MAD1L1: variants seen among roughly 807,000 people sequenced by gnomAD.
MAD1L1 encodes mitotic arrest deficient 1 like 1, also known as mitotic spindle assembly checkpoint protein MAD1.
Under a neutral mutation model 96.9 loss-of-function variants are expected in MAD1L1, and 95 were observed. The ratio of observed to expected loss-of-function variants is 0.98; its 90% CI spans 0.83 to 1.16. The LOEUF (loss-of-function observed/expected upper bound fraction) is 1.16. Ranked by LOEUF, MAD1L1 falls within the 50% of genes most tolerant of loss-of-function variation. The probability of loss-of-function intolerance (pLI) is 0.00; values close to 1 mark genes in which losing one functional copy is unlikely to be tolerated. For synonymous variants in MAD1L1, 473 were observed against 396.6 expected (o/e 1.19, Z -2.29); for missense variants, 1,007 against 954.4 (o/e 1.06, Z -0.73).
chr7:2,137,164 A>G (rs537606625), intron 11 of MAD1L1, among the ~76,000 whole-genome samples: 14 of 152,336 alleles, frequency 9.2e-5, no homozygotes, highest in Admixed American at 6.5e-4. Flanking sequence ...TCAGGGCACC[A>G]AAATACTTAG....
At chr7:2,043,615 T>C (rs1783789760) in intron 12 of MAD1L1, among the ~76,000 whole-genome samples, 1 of 152,198 alleles carries the variant, frequency 6.6e-6, no homozygotes, top group African/African-American at 2.4e-5. Context: ...ACGGGTGCCC[T>C]GCAGAGTGGA....
At chr7:2,098,910 G>C (rs1786638014) in intron 11 of MAD1L1, among the ~76,000 whole-genome samples, 1 of 152,226 alleles carries the variant, frequency 6.6e-6, no homozygotes, top group Non-Finnish European at 1.5e-5. Context: ...ACTCGAACTG[G>C]ACCTCAAAGG....
intron 17 of MAD1L1, among the ~76,000 whole-genome samples, chr7:1,900,940 G>A (rs1393403496): frequency 3.3e-5 from 5 of 152,136 alleles, no homozygotes; most frequent in Admixed American, 6.5e-5. Context: ...CCCTCTCAGA[G>A]GCGAGACCAC....
At chr7:2,191,668 C>T (rs1330469878) in intron 10 of MAD1L1, among the ~76,000 whole-genome samples, 5 of 152,018 alleles carry the variant, frequency 3.3e-5, no homozygotes, top group Admixed American at 3.3e-4. Flanking sequence ...GAGGCAGAGA[C>T]TGCAGTAAGC....
At chr7:1,843,225 T>C (rs576088613) in intron 18 of MAD1L1, among the ~76,000 whole-genome samples, 1 of 152,350 alleles carries the variant, frequency 6.6e-6, no homozygotes, top group East Asian at 1.9e-4. Context: ...CCCTGCAGAA[T>C]GATGCTCTTT....
chr7:2,151,340 G>A (rs1161998409), intron 10 of MAD1L1, among the ~76,000 whole-genome samples: 1 of 152,206 alleles, frequency 6.6e-6, no homozygotes, highest in Non-Finnish European at 1.5e-5. Flanking sequence ...GTGGTCACAG[G>A]CGGCAGGCTA....
intron 18 of MAD1L1, among the ~76,000 whole-genome samples, chr7:1,887,855 G>GTGCAAGCATGCGTGTATGTGGCTGCC (rs1562491890): frequency 7.0e-4 from 19 of 26,964 alleles, no homozygotes; most frequent in African/African-American, 4.9e-3. Context: ...GTGCGTGTGT[G>GTGCAAGCATGCGTGTATGTGGCTGCC]TGTGCACGTG....
At chr7:2,079,828 G>A (rs1785549951) in intron 11 of MAD1L1, 2 of 459,204 alleles carry the variant, frequency 4.4e-6, no homozygotes, top group South Asian at 3.2e-5. Flanking sequence ...GCAGAGACAA[G>A]GGGGCAAGTC....
At chr7:2,000,516 C>T (rs1009579521) in intron 14 of MAD1L1, among the ~76,000 whole-genome samples, 2 of 152,318 alleles carry the variant, frequency 1.3e-5, no homozygotes, top group African/African-American at 4.8e-5. Context: ...CTGTTGGGTC[C>T]GGGACCTGCC....
chr7:2,196,738 A>G (rs984630513), intron 10 of MAD1L1, among the ~76,000 whole-genome samples: 7 of 152,266 alleles, frequency 4.6e-5, no homozygotes, highest in Non-Finnish European at 1.0e-4. Context: ...TCTGGCCTTC[A>G]ACACGAACCC....
intron 11 of MAD1L1, among the ~76,000 whole-genome samples, chr7:2,094,733 G>T (rs3888009): frequency 2.0e-5 from 3 of 152,070 alleles, no homozygotes; most frequent in Admixed American, 1.3e-4. Context: ...AGCACAGCTC[G>T]CAGGTGCAAA....
At chr7:1,944,492 G>A (rs1779141233) in intron 16 of MAD1L1, among the ~76,000 whole-genome samples, 1 of 152,196 alleles carries the variant, frequency 6.6e-6, no homozygotes, top group African/African-American at 2.4e-5. Context: ...CATGTACCAC[G>A]ATTTCAACTT....
intron 15 of MAD1L1, among the ~76,000 whole-genome samples, chr7:1,975,745 G>A (rs528275870): frequency 1.3e-5 from 2 of 152,244 alleles, no homozygotes; most frequent in South Asian, 2.1e-4. Flanking sequence ...TGGGGACCTC[G>A]GGTGAGTGGG....
At chr7:2,090,254 G>A (rs574213979) in intron 11 of MAD1L1, among the ~76,000 whole-genome samples, 20 of 152,326 alleles carry the variant, frequency 1.3e-4, no homozygotes, top group East Asian at 5.8e-4. Context: ...CTGAGTCACC[G>A]GCGCTCGGGG....
intron 18 of MAD1L1, among the ~76,000 whole-genome samples, chr7:1,832,630 T>TG (rs1554266481): frequency 3.8e-3 from 9 of 2,344 alleles, no homozygotes; most frequent in Admixed American, 0.011. Context: ...TTTTTTTTTT[T>TG]GGCGGGGGGG....
chr7:1,973,613 G>A (rs1430784451), intron 15 of MAD1L1, among the ~76,000 whole-genome samples: 1 of 152,078 alleles, frequency 6.6e-6, no homozygotes, highest in African/African-American at 2.4e-5. Context: ...AGACAGGGGG[G>A]TGCGAGCTGG....
intron 11 of MAD1L1, among the ~76,000 whole-genome samples, chr7:2,070,535 C>G (rs891334250): frequency 6.7e-6 from 1 of 149,024 alleles, no homozygotes; most frequent in Non-Finnish European, 1.5e-5. Flanking sequence ...GAGGCCACAC[C>G]GGGGAGGGTG....
chr7:2,201,111 A>C (rs1792271533), intron 10 of MAD1L1, among the ~76,000 whole-genome samples: 1 of 152,130 alleles, frequency 6.6e-6, no homozygotes, highest in African/African-American at 2.4e-5. Context: ...ACAGCCCCAA[A>C]GCTGACGTTG....
intron 11 of MAD1L1, among the ~76,000 whole-genome samples, chr7:2,140,971 C>T (rs895007515): frequency 6.6e-6 from 1 of 152,232 alleles, no homozygotes; most frequent in Non-Finnish European, 1.5e-5. Flanking sequence ...TATGGAAATG[C>T]AAAACATTCA....
Sources: gnomAD v4.1 joint callset for allele counts (sites outside exome capture counted in the v4.1 genomes callset) on GRCh38, gnomAD v4.1.1 for gene constraint, MANE v1.5 for transcripts, NCBI Gene and HGNC (gene_info 2026-07-23, HGNC 2026-07-21) for gene names.